Variants in ZDBF2 observed in about 807,000 individuals in gnomAD.
The protein encoded by ZDBF2 is zinc finger DBF-type containing 2.
ZDBF2 carries 6 observed loss-of-function variants against 9.4 expected under a neutral mutation model. The observed-to-expected ratio is 0.64, with a 90% confidence interval of 0.35 to 1.27. The LOEUF (loss-of-function observed/expected upper bound fraction) is 1.27, where lower values mean the gene tolerates loss of function less well. ZDBF2 is among the 50% of genes most tolerant of loss of function. ZDBF2 has a pLI of 0.03. For synonymous variants in ZDBF2, 905 were observed against 946.3 expected, an observed-to-expected ratio of 0.96 and a Z score of 0.80; for missense variants, 2,697 against 2,766.8, an observed-to-expected ratio of 0.97 and a Z score of 0.57.
intron 1 of ZDBF2, 77 bp downstream of exon 1, chr2:206,275,023 G>T (rs1156601139): frequency 6.6e-6 from 1 of 150,626 alleles, no homozygotes; most frequent in Admixed American, 6.6e-5. Context: ...CGCCCGGGGC[G>T]CCTTCTTCCC....
rs373723284 is a variant in ZDBF2, at chr2:206,309,984, C to T, written c.5456C>T (p.Ala1819Val). 3.1e-6 allele frequency: 5 copies of T among 1,612,938 alleles called. No individual in the cohort carries two copies. Among genetic ancestry groups the T allele is most frequent in the Non-Finnish European group, 3.4e-6 (4 of 1,179,604 alleles). Residue 1819 changes from alanine to valine, a missense_variant, in exon 5 of 5, where the codon GCC becomes GTC. Ala to Val is a moderately conservative substitution (Grantham distance 64, BLOSUM62 0). This residue lies in a region of ZDBF2 where 1,783 missense variants were observed against 1,776.5 expected (regional missense o/e 1.00). Coordinates refer to ENST00000374423, the MANE Select transcript of ZDBF2 (RefSeq NM_020923.3). The stretch of plus-strand genomic sequence containing the variant: ...AATCCTGATGAACCAGTTCTTGAAG[C>T]CTTGCCTCATGTACCTCCTTCATTT... ...EDNPDEPVLE[A>V]LPHVPPSFVG...
chr2:206,314,151 AG>A lies in ZDBF2; in HGVS notation c.*2559del, dbSNP rs2105789587. ...CTTGTTCTTGTTCAGTATTTTGCGTAGATTTTTATTGTAATTGTCCTGAGTT... is the reference window on the plus strand; with the variant it reads ...CTTGTTCTTGTTCAGTATTTTGCGTAATTTTTATTGTAATTGTCCTGAGTT... On this transcript the variant is annotated 3_prime_UTR_variant, in exon 5 of 5. Coordinates refer to ENST00000374423, the MANE Select transcript of ZDBF2 (RefSeq NM_020923.3). 6.6e-6 allele frequency: 1 copy of A among 151,940 alleles called. No homozygotes were observed. Among genetic ancestry groups the A allele is most frequent in the African/African-American group, 2.4e-5 (1 of 41,488 alleles). The allele number at this position is 151,940 out of a possible 1,614,324, so 9.4% of individuals were successfully genotyped here. A position where few individuals can be genotyped will look rare whatever the true frequency, so the allele number is the denominator to read the frequency against.
At chr2:206,293,980 C>A (rs1243369404) in intron 3 of ZDBF2, among the ~76,000 whole-genome samples, 2 of 151,964 alleles carry the variant, frequency 1.3e-5, no homozygotes, top group Admixed American at 6.6e-5. Context: ...TAGCCAAAAG[C>A]TAGAAACAAC....
rs756762876 is a variant in ZDBF2 at position 206,309,169 on chromosome 2, G to T, written c.4641G>T (p.Gln1547His). 1.7e-5 allele frequency: 27 copies of T among 1,610,690 alleles called. No individual in the cohort carries two copies. The African/African-American group carries it at 3.2e-4, about 19-fold the overall frequency. Reference protein sequence around the residue: ...YEVISDDIPLQLVTDPPQLTV... With the variant: ...YEVISDDIPLHLVTDPPQLTV... ...TAATTTCAGATGATATTCCCCTTCA[G>T]TTAGTGACTGACCCACCTCAGTTGA... Residue 1547 changes from glutamine (Q) to histidine (H), a missense_variant, in exon 5 of 5, where the codon CAG (glutamine) becomes CAT (histidine). By Grantham distance (24) the Gln-to-His change is conservative. Around this residue, in one of 3 missense-constraint regions of ZDBF2, gnomAD observed 1,783 missense variants for 1,776.5 expected, o/e 1.00. Coordinates refer to ENST00000374423, the MANE Select transcript of ZDBF2 (RefSeq NM_020923.3).
rs116568985 is a variant in ZDBF2, at chr2:206,307,131, G to A, written c.2603G>A (p.Ser868Asn). The change falls in exon 5 of 5, where the codon AGT becomes AAT. Residue 868 changes from serine (S) to asparagine (N), a missense_variant. Physicochemically the swap from Ser to Asn is conservative, Grantham distance 46. Transcript: ENST00000374423. ...TTAGAAAGGAAGAATGATGAACCCA[G>A]TGGTTCTGAAATAAGTTCGGATTCC... ...IHLERKNDEP[S>N]GSEISSDSHA... 2 of 1,612,788 alleles carry A rather than the reference G, an allele frequency of 1.2e-6. No homozygotes were observed. The highest frequency in any genetic ancestry group is 1.7e-6 in the Non-Finnish European group (2 of 1,179,542).
In ZDBF2 at chr2:206,306,003, C is replaced by T. The variant is rs763841319; in HGVS notation, c.1475C>T (p.Ser492Phe). ...GACCAAAGCTATGAATCTAGTAGTT[C>T]TGAAACGAATTTTGATTGTGATGCT... Reference protein sequence around the residue: ...LVDQSYESSSSETNFDCDASP... With the variant: ...LVDQSYESSSFETNFDCDASP... The change falls in exon 5 of 5, where the codon TCT becomes TTT. Residue 492 changes from serine to phenylalanine, a missense_variant. Physicochemically the swap from Ser to Phe is radical, Grantham distance 155. This residue lies in a region of ZDBF2 where 910 missense variants were observed against 973.6 expected (regional missense o/e 0.93). Coordinates refer to ENST00000374423, the MANE Select transcript of ZDBF2 (RefSeq NM_020923.3). 3.0e-5 allele frequency: 49 copies of T among 1,613,128 alleles called. No homozygotes were observed. The highest frequency in any genetic ancestry group is 1.2e-4 in the Admixed American group (7 of 59,954).
At chr2:206,295,708 C>T (rs1010053427) in intron 3 of ZDBF2, among the ~76,000 whole-genome samples, 4 of 151,868 alleles carry the variant, frequency 2.6e-5, no homozygotes, top group African/African-American at 4.8e-5. Context: ...TTAGTCTTTT[C>T]GTGCTAAATG....
Position 206,310,010 on chromosome 2 carries a change from G to A in ZDBF2, c.5482G>A (p.Val1828Met). The A allele has an allele frequency of 6.2e-7, 1 of 1,613,078 alleles. No homozygotes were observed. Among genetic ancestry groups the A allele is most frequent in the Non-Finnish European group, 8.5e-7 (1 of 1,179,690 alleles). ...EALPHVPPSF[V>M]GKTWSQIMRE... ...CTTGCCTCATGTACCTCCTTCATTT[G>A]TGGGGAAAACATGGTCTCAGATAAT... The change falls in exon 5 of 5, where the codon GTG (valine) becomes ATG (methionine). Residue 1828 changes from valine to methionine, a missense_variant. Val to Met is a conservative substitution (Grantham distance 21). Around this residue, in one of 3 missense-constraint regions of ZDBF2, gnomAD observed 1,783 missense variants for 1,776.5 expected, o/e 1.00. Transcript: ENST00000374423.
chr2:206,311,080 T>C lies in ZDBF2; in HGVS notation c.6552T>C (p.Ser2184=), dbSNP rs141497702. 3.0e-5 allele frequency: 49 copies of C among 1,613,092 alleles called. No homozygotes were observed. The East Asian group carries it at 1.1e-3, about 35-fold the overall frequency. ...KKIHGKRVTT[S]SNKLGFPKKV... is the part of the protein sequence containing the mutation. ...TTCATGGAAAGAGGGTGACAACTAG[T>C]AGTAATAAGCTAGGTTTTCCCAAAA... is the stretch of plus-strand genomic sequence containing the variant. Residue 2184 remains serine (S), a synonymous_variant, in exon 5 of 5, where the codon AGT becomes AGC. Transcript: ENST00000374423.
At chr2:206,302,308 C>T (rs184325032) in intron 4 of ZDBF2, among the ~76,000 whole-genome samples, 8 of 152,144 alleles carry the variant, frequency 5.3e-5, no homozygotes, top group Admixed American at 2.6e-4. Flanking sequence ...CCACACCTGG[C>T]CAAAAGAGTG....
intron 3 of ZDBF2, among the ~76,000 whole-genome samples, chr2:206,296,345 C>T (rs1405075378): frequency 6.6e-6 from 1 of 152,208 alleles, no homozygotes; most frequent in Non-Finnish European, 1.5e-5. Context: ...CTGCTGTCTG[C>T]CCATTAGTCA....
At chr2:206,297,428 T>C (rs1361546878) in intron 4 of ZDBF2, 55 bp downstream of exon 4, 1 of 1,477,040 alleles carries the variant, frequency 6.8e-7, no homozygotes, top group African/African-American at 1.4e-5. Context: ...ACAGTAGGTG[T>C]TTGTGTTCAT....
intron 1 of ZDBF2, among the ~76,000 whole-genome samples, chr2:206,276,561 A>C (rs1691014431): frequency 6.6e-6 from 1 of 152,224 alleles, no homozygotes; most frequent in African/African-American, 2.4e-5. Context: ...AGTATTCCTA[A>C]AAATACAGAG....
Position 206,310,359 on chromosome 2 carries a change from A to T in ZDBF2, c.5831A>T (p.His1944Leu). 6.2e-7 allele frequency: 1 copy of T among 1,614,012 alleles called. No homozygotes were observed. Among genetic ancestry groups the T allele is most frequent in the Non-Finnish European group, 8.5e-7 (1 of 1,179,904 alleles). Residue 1944 changes from histidine to leucine, a missense_variant, in exon 5 of 5, where the codon CAT becomes CTT. Physicochemically the swap from His to Leu is moderately conservative, Grantham distance 99 (BLOSUM62 -3). Transcript: ENST00000374423. ...CAATGCCAGACAGCGAAAATCAGCC[A>T]TAGTACTCAGACCAGTTGTAAGAAT... ...ASQCQTAKIS[H>L]STQTSCKNYP...
chr2:206,310,998 A>C lies in ZDBF2; in HGVS notation c.6470A>C (p.Lys2157Thr). Residue 2157 changes from lysine to threonine, a missense_variant, in exon 5 of 5, where the codon AAA becomes ACA. Around this residue, in one of 3 missense-constraint regions of ZDBF2, gnomAD observed 1,783 missense variants for 1,776.5 expected, o/e 1.00. Coordinates refer to ENST00000374423, the MANE Select transcript of ZDBF2 (RefSeq NM_020923.3). ...ACATTTTTAAATCATGATGTTGTCAAAATCTCTCCAAAATCAGTTAGAAAT... is the reference window on the plus strand; with the variant it reads ...ACATTTTTAAATCATGATGTTGTCACAATCTCTCCAAAATCAGTTAGAAAT... Reference protein sequence around the residue: ...QLTFLNHDVVKISPKSVRNKL... With the variant: ...QLTFLNHDVVTISPKSVRNKL... The C allele has an allele frequency of 6.2e-7, 1 of 1,612,306 alleles. No homozygotes were observed. Among genetic ancestry groups the C allele is most frequent in the Non-Finnish European group, 8.5e-7 (1 of 1,179,558 alleles).
intron 3 of ZDBF2, among the ~76,000 whole-genome samples, chr2:206,291,525 G>A (rs1313734366): frequency 6.6e-6 from 1 of 152,044 alleles, no homozygotes; most frequent in Non-Finnish European, 1.5e-5. Context: ...ATTTTATAAG[G>A]CCGCCAATCC....
Position 206,305,319 on chromosome 2 carries a change from T to C in ZDBF2, c.791T>C (p.Met264Thr). Residue 264 changes from methionine to threonine, a missense_variant, in exon 5 of 5, where the codon ATG becomes ACG. Around this residue, in one of 3 missense-constraint regions of ZDBF2, gnomAD observed 910 missense variants for 973.6 expected, o/e 0.93. Transcript: ENST00000374423. The part of the protein sequence containing the change: ...HKESNRKSLR[M>T]NSDKLVLWKD... ...GAATCAAATAGGAAATCTTTACGCA[T>C]GAATTCAGATAAGTTGGTTTTGTGG... The C allele has an allele frequency of 6.2e-7, 1 of 1,612,288 alleles. No homozygotes were observed. Among genetic ancestry groups the C allele is most frequent in the South Asian group, 1.1e-5 (1 of 90,718 alleles).
At chr2:206,285,200 A>AT (rs1464495373) in intron 3 of ZDBF2, among the ~76,000 whole-genome samples, 1 of 152,168 alleles carries the variant, frequency 6.6e-6, no homozygotes, top group Non-Finnish European at 1.5e-5. Context: ...TGGTAGTTAT[A>AT]TTTTTAGGTT....
rs1474945429 is a variant in ZDBF2 at position 206,312,206 on chromosome 2, C to T, written c.*613C>T. 6.6e-6 allele frequency: 1 copy of T among 152,016 alleles called. No individual in the cohort carries two copies. Among genetic ancestry groups the T allele is most frequent in the Non-Finnish European group, 1.5e-5 (1 of 68,016 alleles). 9.4% of individuals were successfully genotyped at this position (152,016 alleles called of 1,614,324 possible). A position where few individuals can be genotyped will look rare whatever the true frequency, so the allele number is the denominator to read the frequency against. Reference sequence around the variant, plus strand: ...TTGGACACATGCACACATACAGTCTCTAGGTTTTTTGGGTTAGCCTTATTA... The same window carrying T: ...TTGGACACATGCACACATACAGTCTTTAGGTTTTTTGGGTTAGCCTTATTA... On this transcript the variant is annotated 3_prime_UTR_variant, in exon 5 of 5. Coordinates refer to ENST00000374423, the MANE Select transcript of ZDBF2 (RefSeq NM_020923.3).
Sources: allele counts gnomAD v4.1 joint callset (sites outside exome capture counted in the v4.1 genomes callset), GRCh38; gene constraint gnomAD v4.1.1; regional missense constraint gnomAD v4.1.1; transcripts MANE v1.5; gene names NCBI Gene and HGNC (gene_info 2026-07-23, HGNC 2026-07-21).